Variants in MAPK8IP3 observed in about 807,000 individuals in gnomAD.
MAPK8IP3 encodes the protein C-Jun-amino-terminal kinase-interacting protein 3.
A neutral mutation model predicts 157.8 loss-of-function variants in MAPK8IP3; 49 were observed. That is an observed-to-expected ratio of 0.31 (90% CI 0.25 to 0.39). The LOEUF is 0.39. Ranked by LOEUF, MAPK8IP3 falls within the 10% of genes least tolerant of loss-of-function variation. The pLI, the probability that MAPK8IP3 is intolerant of heterozygous loss-of-function variation, is 1.00. For synonymous variants in MAPK8IP3, 897 were observed against 777.7 expected, an observed-to-expected ratio of 1.15 and a Z score of -2.55; for missense variants, 1,478 against 1,889.4, an observed-to-expected ratio of 0.78 and a Z score of 4.04.
chr16:1,729,915 A>G (rs1251331062), intron 4 of MAPK8IP3, among the ~76,000 whole-genome samples: 2 of 152,140 alleles, frequency 1.3e-5, no homozygotes, highest in East Asian at 1.9e-4. Flanking sequence ...GCTAAAATAT[A>G]TCTGTGACCT....
chr16:1,747,726 G>C (rs1015255111), intron 6 of MAPK8IP3, among the ~76,000 whole-genome samples: 1 of 152,004 alleles, frequency 6.6e-6, no homozygotes, highest in Non-Finnish European at 1.5e-5. Flanking sequence ...CCAGTAACCT[G>C]CATCGCCCCA....
chr16:1,767,644 C>T lies in MAPK8IP3; in HGVS notation c.3318C>T (p.Ile1106=), dbSNP rs558735197. 12 of 1,612,556 alleles carry T rather than the reference C, an allele frequency of 7.4e-6. No individual in the cohort carries two copies. The highest frequency in any genetic ancestry group is 1.0e-5 in the Non-Finnish European group (12 of 1,179,956). Residue 1106 remains isoleucine, a synonymous_variant, in exon 27 of 32, where the codon ATC becomes ATT. Transcript: ENST00000610761. ...AWIGDGVWVS[I]RLDSTLRLYH... ...TCGGCGATGGCGTATGGGTGTCCAT[C>T]CGCCTGGACTCCACCCTGAGGCTCT...
At position 1,742,155 on chromosome 16, in the gene MAPK8IP3, C is replaced by T. The variant is rs1166398653; in HGVS notation, c.603-1177C>T. 2.0e-5 allele frequency among the ~76,000 whole-genome samples: 3 copies of T among 152,188 alleles called. No homozygotes were observed. Among genetic ancestry groups the T allele is most frequent in the Non-Finnish European group, 2.9e-5 (2 of 68,032 alleles). Reference sequence around the variant, plus strand: ...CAGTGTGGGCTCCAGCATCTGACCACGTGGCCTGCCCCCCAGACCTGAGGA... The same window carrying T: ...CAGTGTGGGCTCCAGCATCTGACCATGTGGCCTGCCCCCCAGACCTGAGGA... On this transcript the variant is annotated intron_variant, in intron 4 of 31. Transcript: ENST00000610761. The surrounding 1 kb of genome is among the most constrained non-coding windows in gnomAD (Gnocchi z 5.0).
intron 13 of MAPK8IP3, 144 bp from the exon 14 acceptor site, chr16:1,762,207 G>A (rs1213420892): frequency 2.0e-5 from 23 of 1,124,146 alleles, no homozygotes; most frequent in South Asian, 1.3e-4. Flanking sequence ...CCCGCTTGCC[G>A]ACACCCCTCC....
chr16:1,744,384 C>CT, intron 5 of MAPK8IP3: 11 of 985,978 alleles, frequency 1.1e-5, no homozygotes, highest in Non-Finnish European at 1.3e-5. Context: ...CCTTCCACCT[C>CT]TAAGTGTCCA....
At chr16:1,740,273 CGT>C (rs1258273009) in intron 4 of MAPK8IP3, among the ~76,000 whole-genome samples, 1 of 146,210 alleles carries the variant, frequency 6.8e-6, no homozygotes, top group Non-Finnish European at 1.5e-5. Context: ...TGTGACCGTC[CGT>C]GTGAGTGTCC....
Position 1,764,996 on chromosome 16 carries a change from C to A in MAPK8IP3, c.2281-17C>A. On this transcript the variant is annotated splice_polypyrimidine_tract_variant and intron_variant, in intron 19 of 31. Transcript: ENST00000610761. ...CTCAAGCTCGGGCTCTGACCTTGAT[C>A]CCGTGCCCTGAAACAGGCCAAGGAG... 2 of 1,594,098 alleles carry A rather than the reference C, an allele frequency of 1.3e-6. No individual in the cohort carries two copies. The highest frequency in any genetic ancestry group is 1.1e-5 in the South Asian group (1 of 90,376).
At chr16:1,726,275 T>C (rs369546936) in intron 2 of MAPK8IP3, among the ~76,000 whole-genome samples, 11 of 152,314 alleles carry the variant, frequency 7.2e-5, no homozygotes, top group African/African-American at 2.4e-4. Flanking sequence ...ACCTAGGTAA[T>C]GCCTTTCCAT....
At chr16:1,737,614 G>A (rs1258941353) in intron 4 of MAPK8IP3, among the ~76,000 whole-genome samples, 5 of 93,496 alleles carry the variant, frequency 5.3e-5, no homozygotes, top group Admixed American at 2.2e-4. Flanking sequence ...GTGACCGTCC[G>A]TGTGTGTGAC....
At position 1,768,738 on chromosome 16, in the gene MAPK8IP3, G is replaced by T; in HGVS notation, c.3928G>T (p.Gly1310Trp). 1 of 1,612,808 alleles carries T rather than the reference G, an allele frequency of 6.2e-7. No homozygotes were observed. The highest frequency in any genetic ancestry group is 8.5e-7 in the Non-Finnish European group (1 of 1,179,858). Residue 1310 changes from glycine (G) to tryptophan (W), a missense_variant, in exon 32 of 32, where the codon GGG becomes TGG. Transcript: ENST00000610761. ...GEDDETEEGA[G>W]DMSQVKPVLS... ...GGACGACGAGACGGAGGAGGGCGCA[G>T]GGGACATGAGCCAGGTGAAGCCCGT...
chr16:1,717,659 G>A (rs2038242684), intron 1 of MAPK8IP3, among the ~76,000 whole-genome samples: 1 of 152,084 alleles, frequency 6.6e-6, no homozygotes, highest in African/African-American at 2.4e-5. Context: ...TAGGTCTCTG[G>A]GACCAAGATA....
In MAPK8IP3 at chr16:1,733,457, G is replaced by A. The variant is rs117421163; in HGVS notation, c.602+3879G>A. On this transcript the variant is annotated intron_variant, in intron 4 of 31. Coordinates refer to ENST00000610761, the MANE Select transcript of MAPK8IP3 (RefSeq NM_001318852.2). ...AGCTCCAGAGCCGCCTGATGCTGCC[G>A]TCGTCATGGGCCAGGCCAGGCCTAC... is the stretch of plus-strand genomic sequence containing the variant. 1.4e-4 allele frequency among the ~76,000 whole-genome samples: 21 copies of A among 152,356 alleles called. No homozygotes were observed. In the East Asian group the frequency reaches 2.7e-3, roughly 20 times the overall value.
In MAPK8IP3 at chr16:1,706,697, A is replaced by T; in HGVS notation, c.318+40A>T. On this transcript the variant is annotated intron_variant, in intron 1 of 31. Coordinates refer to ENST00000610761, the MANE Select transcript of MAPK8IP3 (RefSeq NM_001318852.2). The surrounding 1 kb of genome is among the most constrained non-coding windows in gnomAD (Gnocchi z 5.1). ...GGACCCGCCCGCATCCCCGTCCCGG[A>T]CCCCCAGCCAGCCCCGGGCCCCGGA... 2 of 1,490,794 alleles carry T rather than the reference A, an allele frequency of 1.3e-6. No homozygotes were observed. The highest frequency in any genetic ancestry group is 8.9e-7 in the Non-Finnish European group (1 of 1,121,746). The allele number at this position is 1,490,794 out of a possible 1,614,324, so 92.3% of individuals were successfully genotyped here. A position where few individuals can be genotyped will look rare whatever the true frequency, so the allele number is the denominator to read the frequency against.
rs2575328 is a variant in MAPK8IP3, at chr16:1,770,340, T to A, written c.*1516T>A. The A allele has an allele frequency of 3.1e-6, 1 of 324,892 alleles. No individual in the cohort carries two copies. Among genetic ancestry groups the A allele is most frequent in the Non-Finnish European group, 5.6e-6 (1 of 177,872 alleles). The allele number at this position is 324,892 out of a possible 1,614,324, so 20.1% of individuals were successfully genotyped here. The stretch of plus-strand genomic sequence containing the variant: ...GTAGCTGCCTGTTCCTGGGCCCAAA[T>A]CGAAACGAAAACGAGGACTTTATTA... On this transcript the variant is annotated 3_prime_UTR_variant, in exon 32 of 32. Transcript: ENST00000610761.
At position 1,763,004 on chromosome 16, in the gene MAPK8IP3, C is replaced by T. The variant is rs374144074; in HGVS notation, c.1896C>T (p.Asp632=). 3.5e-5 allele frequency: 57 copies of T among 1,612,610 alleles called. No individual in the cohort carries two copies. The highest frequency in any genetic ancestry group is 4.4e-5 in the Non-Finnish European group (52 of 1,179,920). ...AGSRPLEFFP[D]DDCTSSARRE... is the part of the protein sequence containing the mutation. ...GCCGGCCCCTGGAATTCTTCCCTGA[C>T]GAGTGAGTGTCCCGCAGCCCCCACT... Residue 632 remains aspartate (D), a splice_region_variant and synonymous_variant, in exon 16 of 32, where the codon GAC becomes GAT. Transcript: ENST00000610761.
chr16:1,738,416 GCGTGTGAC>G (rs1297774658), intron 4 of MAPK8IP3, among the ~76,000 whole-genome samples: 2 of 110,370 alleles, frequency 1.8e-5, no homozygotes, highest in Non-Finnish European at 3.6e-5. Context: ...GTCCGTGTGA[GCGTGTGAC>G]CGTGTGAGAG....
chr16:1,706,810 T>TGGG lies in MAPK8IP3; in HGVS notation c.318+155_318+156insGGG, dbSNP rs2037420505. ...CCCAGACCCCGCCCCGAGACCCGCC[T>TGGG]GGACCCCATATCCCCCGCCCCGGGA... On this transcript the variant is annotated intron_variant, in intron 1 of 31. Transcript: ENST00000610761. This position sits in a 1 kb window ranked among gnomAD's most constrained non-coding sequence, Gnocchi z 5.1. Among the ~76,000 whole-genome samples, 2 of 19,318 alleles carry TGGG rather than the reference T, an allele frequency of 1.0e-4. No individual in the cohort carries two copies. The highest frequency in any genetic ancestry group is 1.4e-3 in the South Asian group (1 of 708). 12.7% of individuals were successfully genotyped at this position (19,318 alleles called of 152,430 possible). A position where few individuals can be genotyped will look rare whatever the true frequency, so the allele number is the denominator to read the frequency against.
intron 1 of MAPK8IP3, among the ~76,000 whole-genome samples, chr16:1,709,585 G>A (rs1005113143): frequency 6.6e-6 from 1 of 152,268 alleles, no homozygotes; most frequent in Non-Finnish European, 1.5e-5. Context: ...GTTTCTGGTT[G>A]TGCAGGCTCT....
intron 4 of MAPK8IP3, among the ~76,000 whole-genome samples, chr16:1,736,704 G>A (rs1444136617): frequency 4.8e-4 from 32 of 67,020 alleles, no homozygotes; most frequent in East Asian, 8.7e-4. Flanking sequence ...CCGTGTGAGC[G>A]TCCGTGTGAG....
Sources: allele counts gnomAD v4.1 joint callset (sites outside exome capture counted in the v4.1 genomes callset), GRCh38; gene constraint gnomAD v4.1.1; non-coding constraint Gnocchi (gnomAD v3.1); transcripts MANE v1.5; gene names NCBI Gene and HGNC (gene_info 2026-07-23, HGNC 2026-07-21).